PAX1: variants seen among roughly 807,000 people sequenced by gnomAD.
PAX1 encodes paired box protein Pax-1.
Under a neutral mutation model 35.6 loss-of-function variants are expected in PAX1, and 18 were observed. The observed-to-expected ratio is 0.50, with a 90% CI of 0.35 to 0.75. The LOEUF is 0.75. Among genes scored for constraint, PAX1 ranks in the 30% least tolerant of loss-of-function variants. The pLI, the probability that PAX1 is intolerant of heterozygous loss-of-function variation, is 0.01. For synonymous variants in PAX1, 397 were observed against 305.2 expected (o/e 1.30, Z -3.14); for missense variants, 760 against 661.5 (o/e 1.15, Z -1.63).
chr20:21,706,838 G>T lies in PAX1; in HGVS notation c.687G>T (p.Ala229=), dbSNP rs1027891587. 4 of 1,613,278 alleles carry T rather than the reference G, an allele frequency of 2.5e-6. No individual in the cohort carries two copies. The highest frequency in any genetic ancestry group is 2.7e-5 in the African/African-American group (2 of 74,948). ...RILRNKIGSL[A]QPGPYEASKQ... ...TGCGCAACAAGATCGGCAGCCTGGC[G>T]CAGCCCGGACCGTACGAGGCAAGTA... is the stretch of plus-strand genomic sequence containing the variant. Residue 229 remains alanine, a synonymous_variant, in exon 2 of 5, where the codon GCG becomes GCT. Transcript: ENST00000613128. The surrounding 1 kb of genome is among the most constrained non-coding windows in gnomAD (Gnocchi z 5.3).
chr20:21,714,145 T>G (rs926022103), intron 4 of PAX1, among the ~76,000 whole-genome samples: 3 of 152,214 alleles, frequency 2.0e-5, no homozygotes, highest in African/African-American at 7.2e-5. Flanking sequence ...CTCTGCGCCC[T>G]TCACTTCCTT....
chr20:21,714,698 G>A lies in PAX1; in HGVS notation c.*136G>A. 1 of 1,606,194 alleles carries A rather than the reference G, an allele frequency of 6.2e-7. No individual in the cohort carries two copies. The highest frequency in any genetic ancestry group is 8.5e-7 in the Non-Finnish European group (1 of 1,179,510). On this transcript the variant is annotated 3_prime_UTR_variant, in exon 5 of 5. Coordinates refer to ENST00000613128, the MANE Select transcript of PAX1 (RefSeq NM_001257096.2). ...AGGAGGAAGCCAGTGCCGGCCCGCGGGGTGCACGCCCAGCCAGCCCCCAGG... is the reference window on the plus strand; with the variant it reads ...AGGAGGAAGCCAGTGCCGGCCCGCGAGGTGCACGCCCAGCCAGCCCCCAGG...
rs763463558 is a variant in PAX1 at position 21,706,030 on chromosome 20, G to A, written c.286+32G>A. On this transcript the variant is annotated intron_variant, in intron 1 of 4. Transcript: ENST00000613128. The surrounding 1 kb of genome is among the most constrained non-coding windows in gnomAD (Gnocchi z 5.3). Reference sequence around the variant, plus strand: ...GGCGGGCGACAGGCAGGGCTCGGGAGGGCTGATGAGGTGGGTCGGGTCCGC... The same window carrying A: ...GGCGGGCGACAGGCAGGGCTCGGGAAGGCTGATGAGGTGGGTCGGGTCCGC... 15 of 1,447,930 alleles carry A rather than the reference G, an allele frequency of 1.0e-5. No individual in the cohort carries two copies. The highest frequency in any genetic ancestry group is 1.4e-5 in the African/African-American group (1 of 70,288). The allele number at this position is 1,447,930 out of a possible 1,614,324, so 89.7% of individuals were successfully genotyped here.
chr20:21,712,790 A>G (rs918604819), intron 4 of PAX1, among the ~76,000 whole-genome samples: 1 of 152,188 alleles, frequency 6.6e-6, no homozygotes, highest in Non-Finnish European at 1.5e-5. Context: ...TCGCACCCGG[A>G]CGCTGGCAAC....
chr20:21,706,009 G>T lies in PAX1; in HGVS notation c.286+11G>T. The T allele has an allele frequency of 1.4e-6, 2 of 1,467,782 alleles. No homozygotes were observed. The highest frequency in any genetic ancestry group is 1.8e-6 in the Non-Finnish European group (2 of 1,118,994). 90.9% of individuals were successfully genotyped at this position (1,467,782 alleles called of 1,614,324 possible). Reference sequence around the variant, plus strand: ...GCCCGCTCGCTATGGGTAAGGGGCGGGCGACAGGCAGGGCTCGGGAGGGCT... The same window carrying T: ...GCCCGCTCGCTATGGGTAAGGGGCGTGCGACAGGCAGGGCTCGGGAGGGCT... On this transcript the variant is annotated intron_variant, in intron 1 of 4. Coordinates refer to ENST00000613128, the MANE Select transcript of PAX1 (RefSeq NM_001257096.2). This position sits in a 1 kb window ranked among gnomAD's most constrained non-coding sequence, Gnocchi z 5.3.
rs200632713 is a variant in PAX1 at position 21,714,604 on chromosome 20, C to A, written c.*42C>A. The stretch of plus-strand genomic sequence containing the variant: ...ACCCGAGCCCGGAGGGAACGGCAGG[C>A]GGACCCGGGCGCACAGGTCTGCGCG... On this transcript the variant is annotated 3_prime_UTR_variant, in exon 5 of 5. Coordinates refer to ENST00000613128, the MANE Select transcript of PAX1 (RefSeq NM_001257096.2). 3 of 1,550,286 alleles carry A rather than the reference C, an allele frequency of 1.9e-6. No homozygotes were observed. The highest frequency in any genetic ancestry group is 1.2e-5 in the South Asian group (1 of 84,214).
At position 21,705,975 on chromosome 20, in the gene PAX1, A is replaced by G; in HGVS notation, c.263A>G (p.Gln88Arg). The G allele has an allele frequency of 6.7e-7, 1 of 1,485,234 alleles. No homozygotes were observed. Among genetic ancestry groups the G allele is most frequent in the Non-Finnish European group, 8.9e-7 (1 of 1,126,050 alleles). The allele number at this position is 1,485,234 out of a possible 1,614,324, so 92.0% of individuals were successfully genotyped here. A position where few individuals can be genotyped will look rare whatever the true frequency, so the allele number is the denominator to read the frequency against. Residue 88 changes from glutamine (Q) to arginine (R), a missense_variant, in exon 1 of 5, where the codon CAG becomes CGG. By Grantham distance (43) the Gln-to-Arg change is conservative. This residue lies in a region of PAX1 where 222 missense variants were observed against 153.0 expected (regional missense o/e 1.45). Transcript: ENST00000613128. ...CACCCCGGCCACCCCGGCGCCAGGC[A>G]GCTGGCCGGCCCGCTCGCTATGGGT... is the stretch of plus-strand genomic sequence containing the variant. ...PGHPGHPGARQLAGPLAMEQT... is the reference protein window; with the variant it reads ...PGHPGHPGARRLAGPLAMEQT...
In PAX1 at chr20:21,706,590, G is replaced by T; in HGVS notation, c.439G>T (p.Val147Leu). 6.2e-7 allele frequency: 1 copy of T among 1,612,218 alleles called. No homozygotes were observed. Among genetic ancestry groups the T allele is most frequent in the Non-Finnish European group, 8.5e-7 (1 of 1,180,014 alleles). ...GCAGCTCCGCGTATCCCACGGCTGC[G>T]TGAGCAAGATCCTGGCGCGCTACAA... ...SRQLRVSHGC[V>L]SKILARYNET... is the part of the protein sequence containing the mutation. The change falls in exon 2 of 5, where the codon GTG (valine) becomes TTG (leucine). Residue 147 changes from valine (V) to leucine (L), a missense_variant. Transcript: ENST00000613128. This position sits in a 1 kb window ranked among gnomAD's most constrained non-coding sequence, Gnocchi z 5.3.
At position 21,705,900 on chromosome 20, in the gene PAX1, G is replaced by T; in HGVS notation, c.188G>T (p.Gly63Val). 7.1e-7 allele frequency: 1 copy of T among 1,398,838 alleles called. No homozygotes were observed. Among genetic ancestry groups the T allele is most frequent in the Non-Finnish European group, 9.3e-7 (1 of 1,078,906 alleles). 86.7% of individuals were successfully genotyped at this position (1,398,838 alleles called of 1,614,324 possible). A position where few individuals can be genotyped will look rare whatever the true frequency, so the allele number is the denominator to read the frequency against. The change falls in exon 1 of 5, where the codon GGC becomes GTC. Residue 63 changes from glycine (G) to valine (V), a missense_variant. Transcript: ENST00000613128. Reference protein sequence around the residue: ...SGALPLCLSRGGGGAQALPDC... With the variant: ...SGALPLCLSRVGGGAQALPDC... ...GCCCTCCCTCTATGCCTCTCACGCG[G>T]CGGCGGCGGCGCCCAAGCTCTCCCG...
chr20:21,714,813 C>G lies in PAX1; in HGVS notation c.*251C>G. The G allele has an allele frequency of 1.3e-6, 2 of 1,596,090 alleles. No individual in the cohort carries two copies. The highest frequency in any genetic ancestry group is 1.7e-6 in the Non-Finnish European group (2 of 1,176,432). Reference sequence around the variant, plus strand: ...TGAACTTGGGTTTTAGACTGCCGTACCCTCCTCACAATCCTTGCTCTGACG... The same window carrying G: ...TGAACTTGGGTTTTAGACTGCCGTAGCCTCCTCACAATCCTTGCTCTGACG... On this transcript the variant is annotated 3_prime_UTR_variant, in exon 5 of 5. Coordinates refer to ENST00000613128, the MANE Select transcript of PAX1 (RefSeq NM_001257096.2).
intron 2 of PAX1, among the ~76,000 whole-genome samples, chr20:21,707,452 G>C (rs942904280): frequency 6.6e-6 from 1 of 152,082 alleles, no homozygotes; most frequent in Non-Finnish European, 1.5e-5. Flanking sequence ...CAAGGGTTCT[G>C]TCCCCCACTC....
Position 21,715,066 on chromosome 20 carries a change from G to C in PAX1, c.*504G>C. On this transcript the variant is annotated 3_prime_UTR_variant, in exon 5 of 5. Coordinates refer to ENST00000613128, the MANE Select transcript of PAX1 (RefSeq NM_001257096.2). ...TTGCTCCGACCTCTGCTCCAGTCCC[G>C]CTTCTTCCCCCGTCTCCTCTTTCTA... is the stretch of plus-strand genomic sequence containing the variant. 1 of 579,206 alleles carries C rather than the reference G, an allele frequency of 1.7e-6. No homozygotes were observed. Among genetic ancestry groups the C allele is most frequent in the Non-Finnish European group, 3.1e-6 (1 of 326,150 alleles). The allele number at this position is 579,206 out of a possible 1,614,324, so 35.9% of individuals were successfully genotyped here.
Position 21,705,943 on chromosome 20 carries a change from C to A in PAX1, c.231C>A (p.Ser77Arg). The change falls in exon 1 of 5, where the codon AGC (serine) becomes AGA (arginine). Residue 77 changes from serine to arginine, a missense_variant. Physicochemically the swap from Ser to Arg is moderately radical, Grantham distance 110 (BLOSUM62 -1). Transcript: ENST00000613128. ...CTCTCCCGGACTGCGCCGGGCCCAG[C>A]CCCGGCCACCCCGGCCACCCCGGCG... ...AQALPDCAGP[S>R]PGHPGHPGAR... 1 of 1,479,646 alleles carries A rather than the reference C, an allele frequency of 6.8e-7. No individual in the cohort carries two copies. The highest frequency in any genetic ancestry group is 1.3e-5 in the South Asian group (1 of 77,006). The allele number at this position is 1,479,646 out of a possible 1,614,324, so 91.7% of individuals were successfully genotyped here. A position where few individuals can be genotyped will look rare whatever the true frequency, so the allele number is the denominator to read the frequency against.
chr20:21,706,882 C>G lies in PAX1; in HGVS notation c.731C>G (p.Pro244Arg). The change falls in exon 2 of 5, where the codon CCT becomes CGT. Residue 244 changes from proline (P) to arginine (R), a missense_variant. Pro to Arg is a moderately radical substitution (Grantham distance 103). This residue lies in a region of PAX1 where 490 missense variants were observed against 428.4 expected (regional missense o/e 1.14). Coordinates refer to ENST00000613128, the MANE Select transcript of PAX1 (RefSeq NM_001257096.2). This position sits in a 1 kb window ranked among gnomAD's most constrained non-coding sequence, Gnocchi z 5.3. Reference sequence around the variant, plus strand: ...GCAAGTAAGCAGCCGCCGTCGCAGCCTACGCTGCCCTACAACCACATCTAC... The same window carrying G: ...GCAAGTAAGCAGCCGCCGTCGCAGCGTACGCTGCCCTACAACCACATCTAC... ...YEASKQPPSQ[P>R]TLPYNHIYQY... 6.2e-7 allele frequency: 1 copy of G among 1,613,464 alleles called. No individual in the cohort carries two copies. Among genetic ancestry groups the G allele is most frequent in the Non-Finnish European group, 8.5e-7 (1 of 1,180,010 alleles).
Position 21,718,264 on chromosome 20 carries a change from A to G in PAX1, c.*3702A>G, listed in dbSNP as rs1012536534. ...TAAGGAAAACAAACCAAAGGAAAGG[A>G]GGATTGAGGGGCAAGAGGCATGAAG... On this transcript the variant is annotated 3_prime_UTR_variant, in exon 5 of 5. Coordinates refer to ENST00000613128, the MANE Select transcript of PAX1 (RefSeq NM_001257096.2). 3 of 151,802 alleles carry G rather than the reference A, an allele frequency of 2.0e-5. No homozygotes were observed. Among genetic ancestry groups the G allele is most frequent in the Non-Finnish European group, 4.4e-5 (3 of 68,010 alleles). The allele number at this position is 151,802 out of a possible 1,614,324, so 9.4% of individuals were successfully genotyped here.
intron 4 of PAX1, among the ~76,000 whole-genome samples, chr20:21,713,830 G>A (rs1381310750): frequency 2.6e-5 from 4 of 152,250 alleles, no homozygotes; most frequent in Non-Finnish European, 5.9e-5. Context: ...GCCCACAGTG[G>A]TGAGCGCATC....
intron 4 of PAX1, among the ~76,000 whole-genome samples, chr20:21,710,560 C>T (rs1985167687): frequency 6.6e-6 from 1 of 152,090 alleles, no homozygotes; most frequent in Non-Finnish European, 1.5e-5. Context: ...GGGCTGGAAG[C>T]GAGGTGGATG....
In PAX1 at chr20:21,717,982, G is replaced by C. The variant is rs1985428414; in HGVS notation, c.*3420G>C. The C allele has an allele frequency of 2.6e-5, 4 of 152,208 alleles. No homozygotes were observed. In the South Asian group the frequency reaches 8.3e-4, roughly 32 times the overall value. The allele number at this position is 152,208 out of a possible 1,614,324, so 9.4% of individuals were successfully genotyped here. A position where few individuals can be genotyped will look rare whatever the true frequency, so the allele number is the denominator to read the frequency against. ...ATTTGAAAGTGCACACTAATGAGTT[G>C]TGCTGTGCACACACAGACATGAGCT... On this transcript the variant is annotated 3_prime_UTR_variant, in exon 5 of 5. Coordinates refer to ENST00000613128, the MANE Select transcript of PAX1 (RefSeq NM_001257096.2).
At chr20:21,709,565 C>A in intron 4 of PAX1, 121 bp downstream of exon 4, 2 of 719,252 alleles carry the variant, frequency 2.8e-6, no homozygotes, top group South Asian at 3.9e-5. Flanking sequence ...TGGGCATGAA[C>A]CCTTCTTCTG....
Sources: allele counts gnomAD v4.1 joint callset (sites outside exome capture counted in the v4.1 genomes callset), GRCh38; gene constraint gnomAD v4.1.1; regional missense constraint gnomAD v4.1.1; non-coding constraint Gnocchi (gnomAD v3.1); transcripts MANE v1.5; gene names NCBI Gene and HGNC (gene_info 2026-07-23, HGNC 2026-07-21).